KMO: variants seen among roughly 807,000 people sequenced by gnomAD.
KMO encodes the protein kynurenine 3-hydroxylase.
KMO carries 24 observed loss-of-function variants against 57.8 expected under a neutral mutation model. The ratio of observed to expected loss-of-function variants is 0.42; its 90% confidence interval spans 0.30 to 0.58. KMO has a LOEUF of 0.58. Among genes scored for constraint, KMO ranks in the 20% least tolerant of loss-of-function variants. The probability of loss-of-function intolerance (pLI) is 0.22; values close to 1 mark genes in which losing one functional copy is unlikely to be tolerated. For missense variants in KMO, 483 were observed against 588.2 expected (o/e 0.82, Z 1.85); for synonymous variants, 210 against 193.6 (o/e 1.08, Z -0.70).
At chr1:241,557,043 C>CT (rs11415825) in intron 5 of KMO, among the ~76,000 whole-genome samples, 80,046 of 151,752 alleles carry the variant, frequency 0.53, 21,286 homozygotes, top group Non-Finnish European at 0.57. Flanking sequence ...AGTAATGTGG[C>CT]TGGAGAGTAG....
At position 241,548,088 on chromosome 1, in the gene KMO, A is replaced by AACACACACAAACACACACAC. The variant is rs139108754; in HGVS notation, c.55-732_55-731insAACACACACACACACACACA. 5.6e-4 allele frequency among the ~76,000 whole-genome samples: 84 copies of AACACACACAAACACACACAC among 148,944 alleles called. 1 individual carries two copies. The highest frequency in any genetic ancestry group is 4.8e-4 in the Non-Finnish European group (32 of 67,156). ...AGAAGCAAGATGCAAAAACAAACAA[A>AACACACACAAACACACACAC]ACACACACACACACACACACAGTGT... On this transcript the variant is annotated intron_variant, in intron 1 of 14. Coordinates refer to ENST00000366559, the MANE Select transcript of KMO (RefSeq NM_003679.5).
chr1:241,553,232 A>G (rs1661478528), intron 4 of KMO, among the ~76,000 whole-genome samples: 1 of 152,186 alleles, frequency 6.6e-6, no homozygotes, highest in Admixed American at 6.5e-5. Flanking sequence ...GAGAAGTAAG[A>G]CTTGATGGGA....
At position 241,539,036 on chromosome 1, in the gene KMO, T is replaced by C. The variant is rs1660855373; in HGVS notation, c.54+6538T>C. Among the ~76,000 whole-genome samples the C allele has an allele frequency of 2.0e-5, 3 of 152,170 alleles. No individual in the cohort carries two copies. The South Asian group carries it at 6.2e-4, about 31-fold the overall frequency. On this transcript the variant is annotated intron_variant, in intron 1 of 14. Transcript: ENST00000366559. Reference sequence around the variant, plus strand: ...CACTGTTGATGGTAATCTAAGCCGGTATTTTTTTCCTGGAAAACAACTTGA... The same window carrying C: ...CACTGTTGATGGTAATCTAAGCCGGCATTTTTTTCCTGGAAAACAACTTGA...
intron 1 of KMO, among the ~76,000 whole-genome samples, chr1:241,546,742 C>T (rs531082916): frequency 2.5e-4 from 38 of 152,252 alleles, no homozygotes; most frequent in Admixed American, 6.5e-4. Context: ...AGTTTCAATT[C>T]GGATCTGTTG....
chr1:241,566,502 C>G lies in KMO; in HGVS notation c.699C>G (p.Phe233Leu). The change falls in exon 9 of 15, where the codon TTC becomes TTG. Residue 233 changes from phenylalanine (F) to leucine (L), a missense_variant. Physicochemically the swap from Phe to Leu is conservative, Grantham distance 22 (BLOSUM62 0). Around this residue, in one of 3 missense-constraint regions of KMO, gnomAD observed 410 missense variants for 492.3 expected, o/e 0.83. Transcript: ENST00000366559. ...MIALPNMNKSFTCTLFMPFEE... is the reference protein window; with the variant it reads ...MIALPNMNKSLTCTLFMPFEE... ...TCTTCTTCTCACAGAACAAATCATT[C>G]ACATGTACTTTGTTCATGCCCTTTG... is the stretch of plus-strand genomic sequence containing the variant. The G allele has an allele frequency of 6.2e-7, 1 of 1,612,494 alleles. No individual in the cohort carries two copies. Among genetic ancestry groups the G allele is most frequent in the Non-Finnish European group, 8.5e-7 (1 of 1,179,296 alleles).
intron 8 of KMO, among the ~76,000 whole-genome samples, chr1:241,566,240 G>A (rs1207200285): frequency 6.6e-6 from 1 of 152,130 alleles, no homozygotes; most frequent in African/African-American, 2.4e-5. Context: ...AGTATTTGCT[G>A]TGTGAAAATG....
intron 10 of KMO, among the ~76,000 whole-genome samples, chr1:241,577,829 G>A (rs1426187934): frequency 1.5e-4 from 23 of 152,122 alleles, no homozygotes; most frequent in Non-Finnish European, 4.4e-5. Context: ...CCTTGACAGA[G>A]GTGGTTGGGG....
At chr1:241,583,735 T>A (rs1056510138) in intron 10 of KMO, among the ~76,000 whole-genome samples, 7 of 152,184 alleles carry the variant, frequency 4.6e-5, no homozygotes, top group African/African-American at 1.7e-4. Flanking sequence ...TATTGTTTTT[T>A]AAAAAATACT....
In KMO at chr1:241,593,943, TTC is replaced by T. The variant is rs1285379471; in HGVS notation, c.*1792_*1793del. 1 of 154,698 alleles carries T rather than the reference TTC, an allele frequency of 6.5e-6. No individual in the cohort carries two copies. The highest frequency in any genetic ancestry group is 2.4e-5 in the African/African-American group (1 of 41,454). The allele number at this position is 154,698 out of a possible 1,614,324, so 9.6% of individuals were successfully genotyped here. On this transcript the variant is annotated 3_prime_UTR_variant, in exon 15 of 15. Transcript: ENST00000366559. ...GTCTTTTGTTTCCAACAAGAGGATT[TTC>T]TTTTTCATTCTAGAATTATCTCCTT...
At chr1:241,554,270 CCTTCCTTCCTTCCTCCCTT>C in intron 4 of KMO, among the ~76,000 whole-genome samples, 1 of 150,704 alleles carries the variant, frequency 6.6e-6, no homozygotes, top group Middle Eastern at 3.4e-3. Flanking sequence ...TTCCTTCCTT[CCTTCCTTCCTTCCTCCCTT>C]CTTTCTTTCT....
chr1:241,542,464 A>T (rs1003124726), intron 1 of KMO, among the ~76,000 whole-genome samples: 6 of 152,372 alleles, frequency 3.9e-5, no homozygotes, highest in Middle Eastern at 3.4e-3. Flanking sequence ...TCTTGTACAC[A>T]CAAACAGGTT....
intron 10 of KMO, among the ~76,000 whole-genome samples, chr1:241,579,033 T>A (rs1430085952): frequency 6.6e-6 from 1 of 152,100 alleles, no homozygotes; most frequent in Admixed American, 6.6e-5. Context: ...ACCAGGTCCC[T>A]CCCACAACAC....
intron 5 of KMO, among the ~76,000 whole-genome samples, chr1:241,558,974 G>T (rs563902224): frequency 1.3e-5 from 2 of 151,878 alleles, no homozygotes; most frequent in East Asian, 1.9e-4. Flanking sequence ...TTAGCTGGGC[G>T]TGTTGGTGGG....
intron 1 of KMO, among the ~76,000 whole-genome samples, chr1:241,536,082 T>C (rs1380193675): frequency 3.3e-5 from 5 of 152,188 alleles, no homozygotes; most frequent in African/African-American, 1.2e-4. Flanking sequence ...GGAGAATCAC[T>C]CCTTTAGAAG....
At chr1:241,591,839 T>A in intron 14 of KMO, 114 bp from the exon 15 acceptor site, 1 of 793,532 alleles carries the variant, frequency 1.3e-6, no homozygotes, top group East Asian at 2.5e-5. Flanking sequence ...AAATTGTTGT[T>A]TCAGGTTAAA....
intron 10 of KMO, among the ~76,000 whole-genome samples, chr1:241,571,883 T>TTC (rs1201107011): frequency 6.8e-6 from 1 of 147,288 alleles, no homozygotes; most frequent in Non-Finnish European, 1.5e-5. Flanking sequence ...TTTTTTTTTT[T>TTC]TTGAGATGGA....
At chr1:241,549,290 GAGA>G (rs1661303312) in intron 2 of KMO, among the ~76,000 whole-genome samples, 1 of 138,998 alleles carries the variant, frequency 7.2e-6, no homozygotes, top group African/African-American at 2.7e-5. Context: ...AGAAAGAAAG[GAGA>G]AAGAGCAAGA....
At chr1:241,537,163 T>C (rs1045254056) in intron 1 of KMO, among the ~76,000 whole-genome samples, 4 of 152,176 alleles carry the variant, frequency 2.6e-5, no homozygotes, top group Non-Finnish European at 5.9e-5. Flanking sequence ...TTCTTCCTCT[T>C]GGACTAAAAC....
In KMO at chr1:241,586,663, T is replaced by G; in HGVS notation, c.958-16T>G. ...TATTTCTAGTTTCTTATTTCTCTTT[T>G]TTTTTCTTGTTTCAGGGCTTTGAAG... On this transcript the variant is annotated splice_polypyrimidine_tract_variant and intron_variant, in intron 10 of 14. Coordinates refer to ENST00000366559, the MANE Select transcript of KMO (RefSeq NM_003679.5). The G allele has an allele frequency of 1.9e-6, 3 of 1,546,788 alleles. No homozygotes were observed. Among genetic ancestry groups the G allele is most frequent in the Non-Finnish European group, 2.6e-6 (3 of 1,134,964 alleles).
Sources: allele counts gnomAD v4.1 joint callset (sites outside exome capture counted in the v4.1 genomes callset), GRCh38; gene constraint gnomAD v4.1.1; regional missense constraint gnomAD v4.1.1; transcripts MANE v1.5; gene names NCBI Gene and HGNC (gene_info 2026-07-23, HGNC 2026-07-21).